The following RALGAPB variants were observed in gnomAD, a reference collection of about 807,000 sequenced individuals.
RALGAPB encodes the protein Ral GTPase activating protein non-catalytic subunit beta.
In RALGAPB, 25 loss-of-function variants were observed where a neutral mutation model predicts 161.1. The observed-to-expected ratio is 0.16, with a 90% CI of 0.11 to 0.22. The LOEUF (loss-of-function observed/expected upper bound fraction) is 0.22, where lower values mean the gene tolerates loss of function less well. Ranked by LOEUF, RALGAPB falls within the 10% of genes least tolerant of loss-of-function variation. The probability of loss-of-function intolerance (pLI) is 1.00; values close to 1 mark genes in which losing one functional copy is unlikely to be tolerated. For missense variants in RALGAPB, 1,391 were observed against 1,815.2 expected (o/e 0.77, Z 4.25); for synonymous variants, 629 against 626.1 (o/e 1.00, Z -0.07).
intron 23 of RALGAPB, among the ~76,000 whole-genome samples, chr20:38,560,754 T>C (rs1025250709): frequency 1.3e-5 from 2 of 152,216 alleles, no homozygotes; most frequent in African/African-American, 4.8e-5. Flanking sequence ...TAGGAATTAA[T>C]GAAGATTTCC....
chr20:38,520,269 A>G, intron 9 of RALGAPB: 1 of 876,486 alleles, frequency 1.1e-6, no homozygotes, highest in Non-Finnish European at 1.4e-6. Flanking sequence ...TCTTTCTTAT[A>G]AATCTTGTAA....
intron 23 of RALGAPB, among the ~76,000 whole-genome samples, chr20:38,558,664 CAAA>C (rs1203773623): frequency 6.6e-6 from 1 of 152,092 alleles, no homozygotes; most frequent in Non-Finnish European, 1.5e-5. Context: ...TAGGCAATTA[CAAA>C]AGTTGTTTTT....
At chr20:38,509,402 C>G (rs2085867016) in intron 6 of RALGAPB, among the ~76,000 whole-genome samples, 194 bp downstream of exon 6, 1 of 152,198 alleles carries the variant, frequency 6.6e-6, no homozygotes, top group Non-Finnish European at 1.5e-5. Context: ...TTAGGCTGTC[C>G]TCAGCCGCTC....
At chr20:38,499,307 A>G in intron 4 of RALGAPB, 140 bp from the exon 5 acceptor site, 1 of 813,128 alleles carries the variant, frequency 1.2e-6, no homozygotes, top group African/African-American at 1.8e-5. Flanking sequence ...TCTCATTTTT[A>G]CTATTAAATG....
In RALGAPB at chr20:38,474,841, A is replaced by G. The variant is rs1202933857; in HGVS notation, c.-31+1772A>G. ...ATACAGACTCACAAAGCTTTTACTC[A>G]GTGGAATGTTTGGGTCCTTTTATGT... On this transcript the variant is annotated intron_variant, in intron 1 of 29. Coordinates refer to ENST00000262879, the MANE Select transcript of RALGAPB (RefSeq NM_020336.4). 4.6e-5 allele frequency among the ~76,000 whole-genome samples: 7 copies of G among 152,182 alleles called. 1 individual carries two copies. Among genetic ancestry groups the G allele is most frequent in the Admixed American group, 4.6e-4 (7 of 15,276 alleles).
At chr20:38,563,605 A>G (rs1466414072) in intron 24 of RALGAPB, among the ~76,000 whole-genome samples, 1 of 152,206 alleles carries the variant, frequency 6.6e-6, no homozygotes, top group Non-Finnish European at 1.5e-5. Flanking sequence ...AGGTCACTGG[A>G]AAGTTAGTGT....
rs780752644 is a variant in RALGAPB at position 38,553,864 on chromosome 20, C to T, written c.3163-3C>T. On this transcript the variant is annotated splice_polypyrimidine_tract_variant and splice_region_variant and intron_variant, in intron 21 of 29. Coordinates refer to ENST00000262879, the MANE Select transcript of RALGAPB (RefSeq NM_020336.4). ...AAAAAATGAAATATTTGGTTTATTA[C>T]AGTTAGAAGAGAGACACGAAAAATT... 6.7e-6 allele frequency: 10 copies of T among 1,489,394 alleles called. No individual in the cohort carries two copies. In the South Asian group the frequency reaches 1.0e-4, roughly 15 times the overall value. The allele number at this position is 1,489,394 out of a possible 1,614,324, so 92.3% of individuals were successfully genotyped here.
At chr20:38,554,567 G>C (rs917423364) in intron 22 of RALGAPB, among the ~76,000 whole-genome samples, 3 of 152,160 alleles carry the variant, frequency 2.0e-5, no homozygotes, top group Non-Finnish European at 4.4e-5. Context: ...TTATGTCCTG[G>C]AATCACTGCT....
intron 1 of RALGAPB, among the ~76,000 whole-genome samples, chr20:38,476,521 G>C (rs1600807165): frequency 1.3e-5 from 2 of 152,070 alleles, no homozygotes; most frequent in African/African-American, 4.8e-5. Context: ...AGGTTGTCTT[G>C]TGTATTGTTG....
At position 38,576,744 on chromosome 20, in the gene RALGAPB, A is replaced by G. The variant is rs1473240883; in HGVS notation, c.*1777A>G. On this transcript the variant is annotated 3_prime_UTR_variant, in exon 30 of 30. Transcript: ENST00000262879. The stretch of plus-strand genomic sequence containing the variant: ...AGAAGATGAGGTTTAATAACTTTCA[A>G]GGTAATTCTAGATTGACATTTTGAG... 1 of 152,626 alleles carries G rather than the reference A, an allele frequency of 6.6e-6. No individual in the cohort carries two copies. Among genetic ancestry groups the G allele is most frequent in the African/African-American group, 2.4e-5 (1 of 41,454 alleles). The allele number at this position is 152,626 out of a possible 1,614,324, so 9.5% of individuals were successfully genotyped here. A position where few individuals can be genotyped will look rare whatever the true frequency, so the allele number is the denominator to read the frequency against.
At chr20:38,551,329 A>G in intron 21 of RALGAPB, 106 bp downstream of exon 21, 2 of 1,279,256 alleles carry the variant, frequency 1.6e-6, no homozygotes, top group Non-Finnish European at 2.2e-6. Context: ...GATTTTTAAG[A>G]TGACATGGGC....
At chr20:38,523,471 A>G (rs941391828) in intron 10 of RALGAPB, among the ~76,000 whole-genome samples, 1 of 152,328 alleles carries the variant, frequency 6.6e-6, no homozygotes, top group Admixed American at 6.5e-5. Flanking sequence ...AGTAGGACAA[A>G]CCAAAACAAC....
chr20:38,505,334 C>T (rs756551532), intron 5 of RALGAPB, among the ~76,000 whole-genome samples: 1 of 152,120 alleles, frequency 6.6e-6, no homozygotes, highest in Non-Finnish European at 1.5e-5. Flanking sequence ...AACAGAAAAC[C>T]AAGTATCACA....
intron 24 of RALGAPB, among the ~76,000 whole-genome samples, chr20:38,564,897 TTCC>T (rs1028941933): frequency 4.6e-5 from 7 of 151,168 alleles, no homozygotes; most frequent in Non-Finnish European, 1.0e-4. Flanking sequence ...TCCTCCTCTT[TTCC>T]TCCTCCTCCT....
At chr20:38,569,751 T>C in intron 26 of RALGAPB, 137 bp from the exon 27 acceptor site, 2 of 639,984 alleles carry the variant, frequency 3.1e-6, no homozygotes, top group South Asian at 3.9e-5. Context: ...TGTATACACT[T>C]TTTCCTAAAG....
In RALGAPB at chr20:38,558,522, T is replaced by G. The variant is rs557671140; in HGVS notation, c.3531+69T>G. On this transcript the variant is annotated intron_variant, in intron 23 of 29. Coordinates refer to ENST00000262879, the MANE Select transcript of RALGAPB (RefSeq NM_020336.4). ...TAAATACACGTCTAAAGAAAAAAATTGAGGCAAAATTAATATGGAGAGTTT... is the reference window on the plus strand; with the variant it reads ...TAAATACACGTCTAAAGAAAAAAATGGAGGCAAAATTAATATGGAGAGTTT... The G allele has an allele frequency of 6.9e-6, 9 of 1,311,958 alleles. No homozygotes were observed. In the South Asian group the frequency reaches 1.6e-4, roughly 24 times the overall value. 81.3% of individuals were successfully genotyped at this position (1,311,958 alleles called of 1,614,324 possible).
At chr20:38,496,097 GACTAGATCCACCTTT>G (rs1177146877) in intron 3 of RALGAPB, among the ~76,000 whole-genome samples, 3 of 152,104 alleles carry the variant, frequency 2.0e-5, no homozygotes, top group Non-Finnish European at 2.9e-5. Context: ...GCTTTACATG[GACTAGATCCACCTTT>G]ACTAGATCCA....
Position 38,574,134 on chromosome 20 carries a change from ATTTTC to A in RALGAPB, c.4143-8_4143-4del. The A allele has an allele frequency of 6.3e-7, 1 of 1,596,030 alleles. No individual in the cohort carries two copies. The highest frequency in any genetic ancestry group is 1.8e-5 in the Admixed American group (1 of 56,480). Reference sequence around the variant, plus strand: ...CAACTCTTGGGTGTCTGAGATAACAATTTTCTTTTCTTAAGATCTACAACTCTTGA... The same window carrying A: ...CAACTCTTGGGTGTCTGAGATAACAATTTTCTTAAGATCTACAACTCTTGA... On this transcript the variant is annotated splice_polypyrimidine_tract_variant and intron_variant, in intron 28 of 29. Transcript: ENST00000262879.
At chr20:38,483,801 C>G (rs2085041600) in intron 1 of RALGAPB, among the ~76,000 whole-genome samples, 1 of 152,170 alleles carries the variant, frequency 6.6e-6, no homozygotes, top group African/African-American at 2.4e-5. Flanking sequence ...TGCAGCAGTA[C>G]TGGCTCCTGA....
Sources: gnomAD v4.1 joint callset for allele counts (sites outside exome capture counted in the v4.1 genomes callset) on GRCh38, gnomAD v4.1.1 for gene constraint, MANE v1.5 for transcripts, NCBI Gene and HGNC (gene_info 2026-07-23, HGNC 2026-07-21) for gene names.